SMYD3: variants seen among roughly 807,000 people sequenced by gnomAD.
SMYD3 encodes the protein SET and MYND domain containing 3.
SMYD3 carries 36 observed loss-of-function variants against 57.7 expected under a neutral mutation model. The ratio of observed to expected loss-of-function variants is 0.62; its 90% CI spans 0.48 to 0.82. The LOEUF (loss-of-function observed/expected upper bound fraction) is 0.82. SMYD3 is among the 40% of genes least tolerant of loss of function. SMYD3 has a pLI of 0.00. For synonymous variants in SMYD3, 211 were observed against 195.0 expected, an observed-to-expected ratio of 1.08 and a Z score of -0.68; for missense variants, 515 against 538.8, an observed-to-expected ratio of 0.96 and a Z score of 0.44.
intron 1 of SMYD3, among the ~76,000 whole-genome samples, chr1:246,490,001 C>CTTT (rs71968916): frequency 5.4e-5 from 5 of 92,310 alleles, no homozygotes; most frequent in African/African-American, 8.0e-5. Flanking sequence ...TAATTTTTTC[C>CTTT]TTTTTTTTTT....
At chr1:246,249,215 C>T (rs1208355098) in intron 5 of SMYD3, among the ~76,000 whole-genome samples, 1 of 151,794 alleles carries the variant, frequency 6.6e-6, no homozygotes, top group Non-Finnish European at 1.5e-5. Flanking sequence ...GTGATTCTCC[C>T]GCCTCAGCCT....
At chr1:246,036,720 A>ATTTTTTTTTTTTTTTTTTTT (rs546300378) in intron 5 of SMYD3, among the ~76,000 whole-genome samples, 3 of 110,502 alleles carry the variant, frequency 2.7e-5, no homozygotes, top group East Asian at 3.9e-4. Flanking sequence ...AGCCCGGCTA[A>ATTTTTTTTTTTTTTTTTTTT]TTTTTTTTTT....
intron 1 of SMYD3, among the ~76,000 whole-genome samples, chr1:246,462,203 C>T (rs1558476006): frequency 1.0e-5 from 1 of 100,030 alleles, no homozygotes; most frequent in African/African-American, 3.8e-5. Flanking sequence ...TGCATCCTCC[C>T]GCGGGGCCTG....
At chr1:246,397,592 C>G (rs2066693627) in intron 1 of SMYD3, among the ~76,000 whole-genome samples, 1 of 152,060 alleles carries the variant, frequency 6.6e-6, no homozygotes, top group Non-Finnish European at 1.5e-5. Context: ...GAAAAATATA[C>G]CTAGACAGAT....
In SMYD3 at chr1:245,839,360, G is replaced by A. The variant is rs544061452; in HGVS notation, c.1076+19136C>T. The stretch of plus-strand genomic sequence containing the variant: ...AAGTTTTTGTATTTTTAGTAGAGAC[G>A]GGGTTTCACCGTGTTAGCCAGGATG... On this transcript the variant is annotated intron_variant, in intron 10 of 11. Coordinates refer to ENST00000490107, the MANE Select transcript of SMYD3 (RefSeq NM_001167740.2). 3.4e-4 allele frequency among the ~76,000 whole-genome samples: 52 copies of A among 151,984 alleles called. 1 individual carries two copies. Among genetic ancestry groups the A allele is most frequent in the South Asian group, 1.2e-3 (6 of 4,812 alleles).
intron 3 of SMYD3, among the ~76,000 whole-genome samples, chr1:246,331,548 G>C (rs1052542373): frequency 2.2e-4 from 34 of 151,804 alleles, no homozygotes; most frequent in African/African-American, 8.2e-4. Context: ...CACTGCTACA[G>C]ATTCCATGAT....
intron 5 of SMYD3, among the ~76,000 whole-genome samples, chr1:245,947,949 TCTTTA>T (rs2057481341): frequency 6.6e-6 from 1 of 152,172 alleles, no homozygotes; most frequent in Non-Finnish European, 1.5e-5. Context: ...CAGAGGAGAT[TCTTTA>T]CTTGGCCAAA....
chr1:245,815,973 T>C (rs571807807), intron 10 of SMYD3, among the ~76,000 whole-genome samples: 1 of 152,158 alleles, frequency 6.6e-6, no homozygotes, highest in Non-Finnish European at 1.5e-5. Context: ...ACTCACCTTC[T>C]GTAGGTGAGT....
At position 246,507,004 on chromosome 1, in the gene SMYD3, G is replaced by A. The variant is rs753338527; in HGVS notation, c.164+50C>T. ...GCCGCCCGACGCCCCCCCCTCCCCAGCACCCCACACAGCTCGCGACTCAGG... is the reference window on the plus strand; with the variant it reads ...GCCGCCCGACGCCCCCCCCTCCCCAACACCCCACACAGCTCGCGACTCAGG... On this transcript the variant is annotated intron_variant, in intron 1 of 11. Coordinates refer to ENST00000490107, the MANE Select transcript of SMYD3 (RefSeq NM_001167740.2). The A allele has an allele frequency of 2.0e-3, 1,871 of 916,194 alleles. 19 individuals carry two copies. Among genetic ancestry groups the A allele is most frequent in the Non-Finnish European group, 2.2e-3 (1,488 of 680,580 alleles). 56.8% of individuals were successfully genotyped at this position (916,194 alleles called of 1,614,324 possible). A position where few individuals can be genotyped will look rare whatever the true frequency, so the allele number is the denominator to read the frequency against.
chr1:246,020,214 A>AAC (rs1309673322), intron 5 of SMYD3, among the ~76,000 whole-genome samples: 1 of 152,240 alleles, frequency 6.6e-6, no homozygotes, highest in Non-Finnish European at 1.5e-5. Context: ...TCTAGAGGCT[A>AAC]ACAGGCAAGC....
At chr1:246,018,235 C>G (rs192691304) in intron 5 of SMYD3, among the ~76,000 whole-genome samples, 55 of 152,320 alleles carry the variant, frequency 3.6e-4, no homozygotes, top group African/African-American at 1.3e-3. Flanking sequence ...TCACACCAGT[C>G]TCTCTAATGA....
In SMYD3 at chr1:246,280,268, A is replaced by G. The variant is rs186315961; in HGVS notation, c.531+46933T>C. Reference sequence around the variant, plus strand: ...AACCAGCTAGGAAAAAAATAGGCACAAAGTATTATTTTATAAAGTCTACCA... The same window carrying G: ...AACCAGCTAGGAAAAAAATAGGCACGAAGTATTATTTTATAAAGTCTACCA... On this transcript the variant is annotated intron_variant, in intron 5 of 11. Coordinates refer to ENST00000490107, the MANE Select transcript of SMYD3 (RefSeq NM_001167740.2). 4.8e-4 allele frequency among the ~76,000 whole-genome samples: 73 copies of G among 152,366 alleles called. 1 individual carries two copies. The East Asian group carries it at 0.014, about 29-fold the overall frequency.
At chr1:246,171,637 T>C (rs908269034) in intron 5 of SMYD3, among the ~76,000 whole-genome samples, 2 of 152,238 alleles carry the variant, frequency 1.3e-5, no homozygotes, top group Non-Finnish European at 2.9e-5. Flanking sequence ...GTTCTTGTAC[T>C]GAATACTATA....
intron 10 of SMYD3, among the ~76,000 whole-genome samples, chr1:245,842,567 A>G (rs928227796): frequency 6.6e-6 from 1 of 152,222 alleles, no homozygotes; most frequent in Non-Finnish European, 1.5e-5. Flanking sequence ...TTTGATAATA[A>G]TAATTAGCAA....
intron 1 of SMYD3, among the ~76,000 whole-genome samples, chr1:246,382,881 C>T (rs958139228): frequency 3.9e-5 from 6 of 152,050 alleles, no homozygotes; most frequent in Admixed American, 1.3e-4. Flanking sequence ...AGGCTCAAGG[C>T]CCACTCCAGG....
intron 1 of SMYD3, among the ~76,000 whole-genome samples, chr1:246,449,091 A>G (rs1350151523): frequency 1.3e-5 from 2 of 152,148 alleles, no homozygotes; most frequent in Non-Finnish European, 2.9e-5. Context: ...TTAGCTGGAC[A>G]TGGTAGCACA....
chr1:246,196,638 A>G (rs889259762), intron 5 of SMYD3, among the ~76,000 whole-genome samples: 2 of 152,194 alleles, frequency 1.3e-5, no homozygotes, highest in African/African-American at 4.8e-5. Flanking sequence ...CTACAATACA[A>G]CATTCTTTCC....
intron 5 of SMYD3, among the ~76,000 whole-genome samples, chr1:246,124,049 C>T (rs75223710): frequency 0.019 from 2,919 of 152,258 alleles, 59 homozygotes; most frequent in Admixed American, 0.033. Flanking sequence ...ATGTTGTCTT[C>T]GTATTTACCT....
At chr1:246,137,050 G>A (rs922694428) in intron 5 of SMYD3, among the ~76,000 whole-genome samples, 2 of 152,170 alleles carry the variant, frequency 1.3e-5, no homozygotes, top group Admixed American at 6.5e-5. Context: ...CTAAGCAATT[G>A]GGTTGTTGTT....
Sources: allele counts gnomAD v4.1 joint callset (sites outside exome capture counted in the v4.1 genomes callset), GRCh38; gene constraint gnomAD v4.1.1; transcripts MANE v1.5; gene names NCBI Gene and HGNC (gene_info 2026-07-23, HGNC 2026-07-21).